Variants in TMEM150C observed in about 807,000 individuals in gnomAD.
TMEM150C encodes the protein tentonin 3.
A neutral mutation model predicts 29.9 loss-of-function variants in TMEM150C; 10 were observed. That is an observed-to-expected ratio of 0.33 (90% CI 0.21 to 0.57). The LOEUF (loss-of-function observed/expected upper bound fraction) is 0.57. TMEM150C is among the 20% of genes least tolerant of loss of function. The pLI is 0.88. For missense variants in TMEM150C, 251 were observed against 303.6 expected, an observed-to-expected ratio of 0.83 and a Z score of 1.29; for synonymous variants, 101 against 112.5, an observed-to-expected ratio of 0.90 and a Z score of 0.64.
chr4:82,530,835 G>A (rs1474270570), intron 1 of TMEM150C, among the ~76,000 whole-genome samples: 3 of 152,178 alleles, frequency 2.0e-5, no homozygotes, highest in Non-Finnish European at 2.9e-5. Flanking sequence ...TTACCATTAT[G>A]GTGGAAGGCG....
At chr4:82,510,679 T>G (rs1268923042) in intron 1 of TMEM150C, among the ~76,000 whole-genome samples, 1 of 152,214 alleles carries the variant, frequency 6.6e-6, no homozygotes, top group African/African-American at 2.4e-5. Flanking sequence ...CTGAAAGTGC[T>G]GTTGGGGGTC....
chr4:82,561,289 A>G (rs995050740), intron 1 of TMEM150C, among the ~76,000 whole-genome samples: 2 of 152,224 alleles, frequency 1.3e-5, no homozygotes, highest in Admixed American at 1.3e-4. Flanking sequence ...GAAAAACCAA[A>G]AATCCCATTT....
chr4:82,526,155 T>C (rs769289975), intron 1 of TMEM150C, among the ~76,000 whole-genome samples: 1 of 152,222 alleles, frequency 6.6e-6, no homozygotes, highest in African/African-American at 2.4e-5. Flanking sequence ...TCCTCCCACC[T>C]TGGCCTCCCA....
At chr4:82,501,511 G>A (rs753302058) in intron 5 of TMEM150C, among the ~76,000 whole-genome samples, 11 of 152,192 alleles carry the variant, frequency 7.2e-5, no homozygotes, top group Non-Finnish European at 1.6e-4. Context: ...GGGGATGGCT[G>A]GGGAGAGCTT....
At chr4:82,529,949 G>A (rs1001618616) in intron 1 of TMEM150C, among the ~76,000 whole-genome samples, 1 of 152,136 alleles carries the variant, frequency 6.6e-6, no homozygotes, top group Non-Finnish European at 1.5e-5. Flanking sequence ...GAGGCTGAAA[G>A]TATGGAAAGA....
At chr4:82,550,664 C>A (rs61053249) in intron 1 of TMEM150C, among the ~76,000 whole-genome samples, 2,464 of 152,100 alleles carry the variant, frequency 0.016, 82 homozygotes, top group African/African-American at 0.057. Flanking sequence ...TGGCGGGCAC[C>A]GGTAGTCCCA....
intron 3 of TMEM150C, 32 bp from the exon 4 acceptor site, chr4:82,502,959 C>T: frequency 6.3e-7 from 1 of 1,582,786 alleles, no homozygotes. Context: ...CACAGAAGCT[C>T]AGGTTAAAGC....
chr4:82,550,995 A>G (rs950863639), intron 1 of TMEM150C, among the ~76,000 whole-genome samples: 5 of 152,150 alleles, frequency 3.3e-5, no homozygotes, highest in African/African-American at 9.7e-5. Flanking sequence ...AGAAGGTCCA[A>G]TGGAGTTTGA....
intron 1 of TMEM150C, among the ~76,000 whole-genome samples, chr4:82,505,025 C>T (rs990559347): frequency 6.6e-6 from 1 of 151,904 alleles, no homozygotes; most frequent in Non-Finnish European, 1.5e-5. Context: ...GCGAGACTGT[C>T]TCAAAACAAA....
intron 1 of TMEM150C, 112 bp from the exon 2 acceptor site, chr4:82,504,779 C>A (rs1723856852): frequency 2.5e-6 from 2 of 800,154 alleles, no homozygotes; most frequent in Non-Finnish European, 4.0e-6. Context: ...ACCTGTAATC[C>A]CAGCACTTTG....
intron 6 of TMEM150C, chr4:82,491,531 C>T: frequency 1.5e-6 from 1 of 673,408 alleles, no homozygotes; most frequent in Non-Finnish European, 2.7e-6. Context: ...AATTCTTAGG[C>T]CTTTTCTCAA....
chr4:82,484,295 G>A lies in TMEM150C; in HGVS notation c.*1216C>T, dbSNP rs895980600. On this transcript the variant is annotated 3_prime_UTR_variant, in exon 8 of 8. Transcript: ENST00000449862. ...TCTGAGTTCTGAACTCTCAGCAGGTGGGAACTGGGAACTGCGGGTTGGCTA... is the reference window on the plus strand; with the variant it reads ...TCTGAGTTCTGAACTCTCAGCAGGTAGGAACTGGGAACTGCGGGTTGGCTA... 6.6e-6 allele frequency: 1 copy of A among 152,050 alleles called. No individual in the cohort carries two copies. The highest frequency in any genetic ancestry group is 1.5e-5 in the Non-Finnish European group (1 of 68,012). The allele number at this position is 152,050 out of a possible 1,614,324, so 9.4% of individuals were successfully genotyped here.
intron 7 of TMEM150C, among the ~76,000 whole-genome samples, chr4:82,486,335 TAAAAAAAAAAAAAAAA>T (rs527967958): frequency 2.3e-4 from 12 of 51,306 alleles, no homozygotes; most frequent in African/African-American, 4.5e-4. Context: ...GACTCCATCT[TAAAAAAAAAAAAAAAA>T]AAAAAAAAAA....
chr4:82,504,441 T>A, intron 2 of TMEM150C, 137 bp downstream of exon 2: 2 of 577,126 alleles, frequency 3.5e-6, no homozygotes, highest in Non-Finnish European at 6.2e-6. Context: ...CCTCAAGTGA[T>A]CTGCCTGACT....
At chr4:82,550,561 G>A (rs935773733) in intron 1 of TMEM150C, among the ~76,000 whole-genome samples, 3 of 152,154 alleles carry the variant, frequency 2.0e-5, no homozygotes, top group Non-Finnish European at 4.4e-5. Context: ...AGCACTTTGG[G>A]AGGCCGAGGT....
chr4:82,512,044 G>A (rs1724144175), intron 1 of TMEM150C, among the ~76,000 whole-genome samples: 2 of 152,208 alleles, frequency 1.3e-5, no homozygotes, highest in Admixed American at 6.5e-5. Context: ...GCCAATCATA[G>A]TGATCTCATT....
intron 1 of TMEM150C, among the ~76,000 whole-genome samples, chr4:82,561,063 T>C (rs566491859): frequency 6.6e-6 from 1 of 152,074 alleles, no homozygotes; most frequent in Non-Finnish European, 1.5e-5. Flanking sequence ...GTGTGGGACA[T>C]CATAAAGTGC....
intron 1 of TMEM150C, among the ~76,000 whole-genome samples, chr4:82,518,910 T>C (rs1724384274): frequency 6.6e-6 from 1 of 152,356 alleles, no homozygotes; most frequent in Non-Finnish European, 1.5e-5. Context: ...CTTAGATAAC[T>C]ATTTATAGCA....
intron 1 of TMEM150C, among the ~76,000 whole-genome samples, chr4:82,521,001 C>T (rs1407028821): frequency 1.5e-4 from 23 of 152,184 alleles, no homozygotes; most frequent in Non-Finnish European, 2.9e-5. Flanking sequence ...CCTTGCATTA[C>T]TTGAACGCAT....
Sources: allele counts gnomAD v4.1 joint callset (sites outside exome capture counted in the v4.1 genomes callset), GRCh38; gene constraint gnomAD v4.1.1; transcripts MANE v1.5; gene names NCBI Gene and HGNC (gene_info 2026-07-23, HGNC 2026-07-21).